NF1: variants seen among roughly 807,000 people sequenced by gnomAD.
NF1 encodes neurofibromin 1.
Under a neutral mutation model 325.7 loss-of-function variants are expected in NF1, and 122 were observed. The ratio of observed to expected loss-of-function variants is 0.37; its 90% CI spans 0.32 to 0.44. The LOEUF (loss-of-function observed/expected upper bound fraction) is 0.44. Among genes scored for constraint, NF1 ranks in the 20% least tolerant of loss-of-function variants. The pLI, the probability that NF1 is intolerant of heterozygous loss-of-function variation, is 1.00. For synonymous variants in NF1, 1,091 were observed against 1,186.0 expected (o/e 0.92, Z 1.65); for missense variants, 2,140 against 3,415.4 (o/e 0.63, Z 9.31).
intron 29 of NF1, among the ~76,000 whole-genome samples, chr17:31,248,046 T>C (rs1021987913): frequency 6.6e-6 from 1 of 151,410 alleles, no homozygotes; most frequent in Non-Finnish European, 1.5e-5. Flanking sequence ...CTACTAAAAA[T>C]ATAAAATTAG....
chr17:31,360,878 C>T lies in NF1; in HGVS notation c.8377+175C>T, dbSNP rs1361405734. 11 of 651,638 alleles carry T rather than the reference C, an allele frequency of 1.7e-5. No homozygotes were observed. The Admixed American group carries it at 2.4e-4, about 14-fold the overall frequency. The allele number at this position is 651,638 out of a possible 1,614,324, so 40.4% of individuals were successfully genotyped here. ...TTTTGTTATTCTATGAAGCTTTCTACTTTCAAACAAGTTGTACATAAGACA... is the reference window on the plus strand; with the variant it reads ...TTTTGTTATTCTATGAAGCTTTCTATTTTCAAACAAGTTGTACATAAGACA... On this transcript the variant is annotated intron_variant, in intron 57 of 57. Transcript: ENST00000358273.
At chr17:31,288,522 G>GTTTTTTT (rs200926157) in intron 36 of NF1, among the ~76,000 whole-genome samples, 10 of 119,710 alleles carry the variant, frequency 8.4e-5, no homozygotes, top group South Asian at 2.8e-4. Context: ...TTTTTGCTTT[G>GTTTTTTT]TTTTTTTTTT....
rs762097421 is a variant in NF1, at chr17:31,304,916, C to T, written c.4836-20904C>T. ...CCTGCCCAATTTTGATCATTTAAAA[C>T]TGGTTTCCTTAAGCATTTCCAAAGT... On this transcript the variant is annotated intron_variant, in intron 36 of 57. Coordinates refer to ENST00000358273, the MANE Select transcript of NF1 (RefSeq NM_001042492.3). The T allele has an allele frequency of 3.1e-6, 5 of 1,614,142 alleles. No individual in the cohort carries two copies. In the Admixed American group the frequency reaches 8.3e-5, roughly 27 times the overall value.
chr17:31,352,497 C>G (rs2151577668), intron 51 of NF1, 83 bp downstream of exon 51: 2 of 1,340,406 alleles, frequency 1.5e-6, no homozygotes, highest in Non-Finnish European at 2.0e-6. Flanking sequence ...TTTGAAATTT[C>G]AGGATTATCA....
chr17:31,320,347 A>C, intron 36 of NF1: 1 of 1,513,630 alleles, frequency 6.6e-7, no homozygotes, highest in Non-Finnish European at 8.8e-7. Context: ...TTTATTTAAA[A>C]AAAAAAAAAA....
At position 31,357,182 on chromosome 17, in the gene NF1, A is replaced by G. The variant is rs577492801; in HGVS notation, c.7870-87A>G. 1.7e-5 allele frequency: 27 copies of G among 1,593,046 alleles called. No individual in the cohort carries two copies. The South Asian group carries it at 2.9e-4, about 17-fold the overall frequency. On this transcript the variant is annotated intron_variant, in intron 53 of 57. Transcript: ENST00000358273. ...CTTAAATATTAAAAACATGAATAGG[A>G]TACAGTCTTCTACTTCTCACCCAAA...
chr17:31,338,170 A>G, intron 45 of NF1, 31 bp downstream of exon 45: 1 of 1,442,406 alleles, frequency 6.9e-7, no homozygotes, highest in Non-Finnish European at 9.8e-7. Flanking sequence ...TCTCCCAAAT[A>G]TTTATGGTTC....
At chr17:31,107,111 G>T (rs1912925429) in intron 1 of NF1, among the ~76,000 whole-genome samples, 1 of 151,594 alleles carries the variant, frequency 6.6e-6, no homozygotes, top group African/African-American at 2.4e-5. Context: ...TTGTCTTTTG[G>T]AGTATTTTTT....
At chr17:31,287,204 A>G (rs1419318479) in intron 36 of NF1, among the ~76,000 whole-genome samples, 1 of 152,212 alleles carries the variant, frequency 6.6e-6, no homozygotes, top group Non-Finnish European at 1.5e-5. Context: ...TTTCACTTCT[A>G]ATCTTGTTAA....
Position 31,181,749 on chromosome 17 carries a change from A to G in NF1, c.694A>G (p.Thr232Ala), listed in dbSNP as rs876660027. The change falls in exon 7 of 58, where the codon ACA (threonine) becomes GCA (alanine). Residue 232 changes from threonine (T) to alanine (A), a missense_variant. Physicochemically the swap from Thr to Ala is moderately conservative, Grantham distance 58. Transcript: ENST00000358273. ...GGTAGAAAATTATCCAGATGAATTTACAAAACTGTACCAGATCCCACAGAC... is the reference window on the plus strand; with the variant it reads ...GGTAGAAAATTATCCAGATGAATTTGCAAAACTGTACCAGATCCCACAGAC... Reference protein sequence around the residue: ...NWVENYPDEFTKLYQIPQTDM... With the variant: ...NWVENYPDEFAKLYQIPQTDM... 5 of 1,610,662 alleles carry G rather than the reference A, an allele frequency of 3.1e-6. No individual in the cohort carries two copies. In the East Asian group the frequency reaches 8.9e-5, roughly 29 times the overall value.
At chr17:31,295,836 G>A in intron 36 of NF1, 2 of 1,614,148 alleles carry the variant, frequency 1.2e-6, no homozygotes, top group Non-Finnish European at 1.7e-6. Context: ...AGTTTGGAGG[G>A]CATGTTGGTT....
At chr17:31,140,084 G>C (rs575157764) in intron 1 of NF1, among the ~76,000 whole-genome samples, 1 of 152,232 alleles carries the variant, frequency 6.6e-6, no homozygotes, top group South Asian at 2.1e-4. Flanking sequence ...TGACCATAGG[G>C]GATAAAACGA....
chr17:31,257,103 TA>T (rs1474941277), intron 31 of NF1, among the ~76,000 whole-genome samples: 3 of 152,164 alleles, frequency 2.0e-5, no homozygotes, highest in Non-Finnish European at 2.9e-5. Context: ...CAGCCTGTCA[TA>T]ATTTGTGTCA....
intron 29 of NF1, among the ~76,000 whole-genome samples, chr17:31,241,921 G>T (rs1037258661): frequency 6.6e-6 from 1 of 152,126 alleles, no homozygotes; most frequent in African/African-American, 2.4e-5. Context: ...TCTAGGACAG[G>T]TCTGGCATTG....
chr17:31,303,194 G>C (rs1399712357), intron 36 of NF1, among the ~76,000 whole-genome samples: 4 of 152,140 alleles, frequency 2.6e-5, no homozygotes, highest in Admixed American at 2.6e-4. Context: ...CTAAGTGCTT[G>C]TTTCCCCCTG....
At chr17:31,305,707 T>C in intron 36 of NF1, 1 of 1,254,270 alleles carries the variant, frequency 8.0e-7, no homozygotes, top group South Asian at 1.5e-5. Context: ...CTTTTCATTA[T>C]GATTCCTGGC....
chr17:31,160,988 A>G (rs1015376943), intron 3 of NF1, among the ~76,000 whole-genome samples: 1 of 152,166 alleles, frequency 6.6e-6, no homozygotes, highest in Non-Finnish European at 1.5e-5. Context: ...ATATTATTGA[A>G]CAATTGTTTT....
chr17:31,365,969 C>CTT (rs2151593661), intron 57 of NF1, among the ~76,000 whole-genome samples: 1 of 141,052 alleles, frequency 7.1e-6, no homozygotes, highest in African/African-American at 2.7e-5. Context: ...GAGTCTTGCT[C>CTT]TGTCACCCAG....
intron 30 of NF1, among the ~76,000 whole-genome samples, 190 bp downstream of exon 30, chr17:31,249,309 T>TGA (rs1398661306): frequency 2.6e-5 from 4 of 152,232 alleles, no homozygotes; most frequent in Non-Finnish European, 4.4e-5. Flanking sequence ...GGCAACAGTT[T>TGA]GAAGTAAGAG....
Sources: gnomAD v4.1 joint callset for allele counts (sites outside exome capture counted in the v4.1 genomes callset) on GRCh38, gnomAD v4.1.1 for gene constraint, MANE v1.5 for transcripts, NCBI Gene and HGNC (gene_info 2026-07-23, HGNC 2026-07-21) for gene names.